Variants in SLC25A26 observed in about 807,000 individuals in gnomAD.
The protein encoded by SLC25A26 is mitochondrial S-adenosylmethionine carrier protein.
SLC25A26 carries 36 observed loss-of-function variants against 37.8 expected under a neutral mutation model. The observed-to-expected ratio is 0.95, with a 90% CI of 0.73 to 1.26. The LOEUF (loss-of-function observed/expected upper bound fraction) is 1.26. Ranked by LOEUF, SLC25A26 falls within the 50% of genes most tolerant of loss-of-function variation. The pLI, the probability that SLC25A26 is intolerant of heterozygous loss-of-function variation, is 0.00. For missense variants in SLC25A26, 390 were observed against 331.1 expected, an observed-to-expected ratio of 1.18 and a Z score of -1.38; for synonymous variants, 129 against 122.5, an observed-to-expected ratio of 1.05 and a Z score of -0.35.
At chr3:66,308,026 A>T (rs1334179388) in intron 5 of SLC25A26, among the ~76,000 whole-genome samples, 1 of 152,154 alleles carries the variant, frequency 6.6e-6, no homozygotes, top group Non-Finnish European at 1.5e-5. Flanking sequence ...GTTTTTTTCT[A>T]ATTCTGTGAA....
At chr3:66,251,100 G>A (rs1214818096) in intron 3 of SLC25A26, among the ~76,000 whole-genome samples, 1 of 152,136 alleles carries the variant, frequency 6.6e-6, no homozygotes, top group Non-Finnish European at 1.5e-5. Flanking sequence ...ACCTTGTTAG[G>A]TAGTTTTAAG....
chr3:66,194,758 C>T (rs1310020799), intron 1 of SLC25A26, among the ~76,000 whole-genome samples: 1 of 152,212 alleles, frequency 6.6e-6, no homozygotes, highest in Admixed American at 6.5e-5. Flanking sequence ...TGCGCCACCA[C>T]GCCCAGCTAA....
chr3:66,377,764 G>T lies in SLC25A26; in HGVS notation c.782G>T (p.Arg261Leu). ...GGFIFLGAYD[R>L]THSLLLEVGR... The stretch of plus-strand genomic sequence containing the variant: ...TTCATCTTTCTGGGGGCTTATGACC[G>T]AACGCACAGCTTGCTGTTGGAAGTT... Residue 261 changes from arginine to leucine, a missense_variant, in exon 10 of 10, where the codon CGA (arginine) becomes CTA (leucine). Physicochemically the swap from Arg to Leu is moderately radical, Grantham distance 102. Coordinates refer to ENST00000354883, the MANE Select transcript of SLC25A26 (RefSeq NM_001379210.1). 1 of 1,613,830 alleles carries T rather than the reference G, an allele frequency of 6.2e-7. No individual in the cohort carries two copies. The highest frequency in any genetic ancestry group is 8.5e-7 in the Non-Finnish European group (1 of 1,179,864).
chr3:66,138,310 A>C (rs2069978711), intron 1 of SLC25A26, among the ~76,000 whole-genome samples: 1 of 152,176 alleles, frequency 6.6e-6, no homozygotes, highest in African/African-American at 2.4e-5. Context: ...GGAAGAAAAA[A>C]ATCATCCCAC....
Position 66,262,216 on chromosome 3 carries a change from A to T in SLC25A26, c.405+61A>T, listed in dbSNP as rs568640568. ...TAAGATTTTATAGTAGCTAATACGA[A>T]CACTGTGGATTTCATCCTAAGAGCC... On this transcript the variant is annotated intron_variant, in intron 4 of 9. Coordinates refer to ENST00000354883, the MANE Select transcript of SLC25A26 (RefSeq NM_001379210.1). 52 of 846,410 alleles carry T rather than the reference A, an allele frequency of 6.1e-5. 1 individual carries two copies. The highest frequency in any genetic ancestry group is 5.3e-4 in the Admixed American group (18 of 33,726). The allele number at this position is 846,410 out of a possible 1,614,324, so 52.4% of individuals were successfully genotyped here. A position where few individuals can be genotyped will look rare whatever the true frequency, so the allele number is the denominator to read the frequency against.
intron 5 of SLC25A26, among the ~76,000 whole-genome samples, chr3:66,301,016 T>A (rs1340898519): frequency 6.6e-6 from 1 of 152,214 alleles, no homozygotes; most frequent in Non-Finnish European, 1.5e-5. Context: ...GTCTATGCAT[T>A]TTTATAATAT....
chr3:66,256,908 G>A (rs1310964913), intron 3 of SLC25A26, among the ~76,000 whole-genome samples: 1 of 152,160 alleles, frequency 6.6e-6, no homozygotes, highest in African/African-American at 2.4e-5. Flanking sequence ...ATATTTATAT[G>A]TAAATTCTAA....
chr3:66,371,159 G>A (rs1333839757), intron 9 of SLC25A26: 1 of 1,437,004 alleles, frequency 7.0e-7, no homozygotes, highest in African/African-American at 1.4e-5. Flanking sequence ...CCGCCTGAAT[G>A]TTGAGATCTT....
At chr3:66,193,526 A>T (rs951008997) in intron 1 of SLC25A26, among the ~76,000 whole-genome samples, 2 of 152,186 alleles carry the variant, frequency 1.3e-5, no homozygotes. Context: ...GATAACTAAC[A>T]TCATTGTCCT....
chr3:66,244,840 G>A (rs2072753566), intron 3 of SLC25A26, among the ~76,000 whole-genome samples: 1 of 151,974 alleles, frequency 6.6e-6, no homozygotes. Flanking sequence ...AGCCGGGTGT[G>A]GTGGTGGGTG....
intron 6 of SLC25A26, among the ~76,000 whole-genome samples, chr3:66,357,467 A>T (rs1039278657): frequency 1.1e-4 from 17 of 152,260 alleles, no homozygotes; most frequent in African/African-American, 3.9e-4. Context: ...AATTGGGATA[A>T]ATAAGCAAAC....
intron 5 of SLC25A26, among the ~76,000 whole-genome samples, chr3:66,281,127 C>T (rs1358495341): frequency 6.6e-6 from 1 of 152,108 alleles, no homozygotes; most frequent in Non-Finnish European, 1.5e-5. Context: ...TGTAAACGGT[C>T]CCATAATCTG....
Position 66,278,669 on chromosome 3 carries a change from T to G in SLC25A26, c.453+15290T>G, listed in dbSNP as rs552584431. Among the ~76,000 whole-genome samples the G allele has an allele frequency of 5.3e-5, 8 of 152,318 alleles. No homozygotes were observed. The South Asian group carries it at 1.7e-3, about 32-fold the overall frequency. ...ATTCCTCTGTTCATTTTAGAAACTT[T>G]AAGTTATATATTCGTTTCTTTATTT... On this transcript the variant is annotated intron_variant, in intron 5 of 9. Transcript: ENST00000354883.
intron 5 of SLC25A26, among the ~76,000 whole-genome samples, chr3:66,318,650 T>TA (rs534523811): frequency 9.3e-5 from 14 of 149,824 alleles, no homozygotes; most frequent in African/African-American, 1.9e-4. Context: ...TTTTATTTAT[T>TA]AAAAAAAAAA....
At chr3:66,294,939 C>A (rs2074846605) in intron 5 of SLC25A26, among the ~76,000 whole-genome samples, 1 of 152,110 alleles carries the variant, frequency 6.6e-6, no homozygotes, top group African/African-American at 2.4e-5. Context: ...ACTCTCATTG[C>A]AATTAAAAAA....
chr3:66,321,930 G>C (rs2075705366), intron 5 of SLC25A26, among the ~76,000 whole-genome samples: 1 of 152,104 alleles, frequency 6.6e-6, no homozygotes, highest in Non-Finnish European at 1.5e-5. Context: ...CCAAGACTGA[G>C]GGACCAAACT....
At chr3:66,239,318 C>G (rs1020297662) in intron 2 of SLC25A26, among the ~76,000 whole-genome samples, 2 of 150,508 alleles carry the variant, frequency 1.3e-5, no homozygotes, top group Non-Finnish European at 2.9e-5. Flanking sequence ...TTGATTGGCT[C>G]TGTCATGAAT....
intron 5 of SLC25A26, among the ~76,000 whole-genome samples, chr3:66,303,442 A>G (rs943912514): frequency 5.9e-5 from 9 of 152,190 alleles, no homozygotes; most frequent in Non-Finnish European, 1.3e-4. Flanking sequence ...TCTTGGCTAA[A>G]AGTGAGGTGG....
At chr3:66,282,224 G>C (rs1175016664) in intron 5 of SLC25A26, among the ~76,000 whole-genome samples, 2 of 151,238 alleles carry the variant, frequency 1.3e-5, no homozygotes, top group African/African-American at 4.9e-5. Context: ...TGTTAGCCAG[G>C]ATGGTCTCGA....
Sources: allele counts gnomAD v4.1 joint callset (sites outside exome capture counted in the v4.1 genomes callset), GRCh38; gene constraint gnomAD v4.1.1; transcripts MANE v1.5; gene names NCBI Gene and HGNC (gene_info 2026-07-23, HGNC 2026-07-21).